CENPP: variants seen among roughly 807,000 people sequenced by gnomAD.
CENPP encodes centromere protein P.
In CENPP, 24 loss-of-function variants were observed where a neutral mutation model predicts 35.6. The ratio of observed to expected loss-of-function variants is 0.67; its 90% CI spans 0.49 to 0.95. The LOEUF is 0.95. Among genes scored for constraint, CENPP ranks in the 40% least tolerant of loss-of-function variants. CENPP has a pLI of 0.00. For synonymous variants in CENPP, 120 were observed against 125.5 expected (o/e 0.96, Z 0.29); for missense variants, 332 against 345.3 (o/e 0.96, Z 0.31).
chr9:92,326,317 C>T (rs1177785800), intron 1 of CENPP, among the ~76,000 whole-genome samples: 2 of 152,218 alleles, frequency 1.3e-5, no homozygotes, highest in Admixed American at 6.5e-5. Flanking sequence ...CTCGTTTAAT[C>T]GCAGTCGTCT....
Position 92,613,260 on chromosome 9 carries a change from C to T in CENPP, c.*111C>T. On this transcript the variant is annotated 3_prime_UTR_variant, in exon 8 of 8. Transcript: ENST00000375587. ...TTAGAAACCACACCCTGAAGACGTG[C>T]TGTCTATGCAGTTATGGCACATTAT... The T allele has an allele frequency of 7.8e-7, 1 of 1,278,278 alleles. No homozygotes were observed. The highest frequency in any genetic ancestry group is 1.1e-6 in the Non-Finnish European group (1 of 893,254). The allele number at this position is 1,278,278 out of a possible 1,614,324, so 79.2% of individuals were successfully genotyped here. A position where few individuals can be genotyped will look rare whatever the true frequency, so the allele number is the denominator to read the frequency against.
rs1840494554 is a variant in CENPP at position 92,326,232 on chromosome 9, TC to T, written c.107+129del. 4.6e-6 allele frequency: 3 copies of T among 657,508 alleles called. No individual in the cohort carries two copies. In the Admixed American group the frequency reaches 9.0e-5, roughly 20 times the overall value. The allele number at this position is 657,508 out of a possible 1,614,324, so 40.7% of individuals were successfully genotyped here. A position where few individuals can be genotyped will look rare whatever the true frequency, so the allele number is the denominator to read the frequency against. On this transcript the variant is annotated intron_variant, in intron 1 of 7. Coordinates refer to ENST00000375587, the MANE Select transcript of CENPP (RefSeq NM_001012267.3). ...GAAAGTGGGCATGAACTGGCATTGA[TC>T]CTGTCATGACGATGGCCTAGAGTTG...
At chr9:92,391,322 G>T (rs1024303150) in intron 5 of CENPP, among the ~76,000 whole-genome samples, 9 of 152,142 alleles carry the variant, frequency 5.9e-5, no homozygotes, top group South Asian at 4.2e-4. Context: ...CAGGAGAATG[G>T]CATGAACCTG....
At chr9:92,496,499 C>T in intron 5 of CENPP, 1 of 1,604,336 alleles carries the variant, frequency 6.2e-7, no homozygotes, top group South Asian at 1.1e-5. Flanking sequence ...GAAAAATAGA[C>T]ATGCAAGTCA....
chr9:92,480,714 C>T (rs1231294845), intron 5 of CENPP, among the ~76,000 whole-genome samples: 1 of 152,094 alleles, frequency 6.6e-6, no homozygotes, highest in Non-Finnish European at 1.5e-5. Flanking sequence ...TTTAAAGGCC[C>T]GCTTGGCAAC....
At chr9:92,457,301 T>G (rs771223864) in intron 5 of CENPP, 1 of 1,613,852 alleles carries the variant, frequency 6.2e-7, no homozygotes. Context: ...CATTCCAAAG[T>G]TCCCAAGCTG....
At chr9:92,329,709 A>G (rs1412400506) in intron 1 of CENPP, among the ~76,000 whole-genome samples, 2 of 151,896 alleles carry the variant, frequency 1.3e-5, no homozygotes, top group East Asian at 1.9e-4. Flanking sequence ...ACCTGCCACT[A>G]TGCCCAGATA....
intron 5 of CENPP, chr9:92,496,575 C>A (rs1288124252): frequency 1.3e-6 from 2 of 1,505,480 alleles, no homozygotes; most frequent in South Asian, 1.3e-5. Flanking sequence ...AAATTTTGTT[C>A]TTAAAATAAA....
chr9:92,448,877 A>G (rs1472317809), intron 5 of CENPP, among the ~76,000 whole-genome samples: 2 of 152,198 alleles, frequency 1.3e-5, no homozygotes, highest in African/African-American at 4.8e-5. Context: ...GGTCTATTAC[A>G]TTTAAACTAT....
intron 5 of CENPP, among the ~76,000 whole-genome samples, chr9:92,608,616 A>G (rs908495125): frequency 6.6e-5 from 10 of 152,168 alleles, no homozygotes; most frequent in African/African-American, 9.7e-5. Context: ...ATGTGTGCCA[A>G]TGAGACCCAT....
At chr9:92,584,586 C>G (rs1313032073) in intron 5 of CENPP, among the ~76,000 whole-genome samples, 1 of 152,108 alleles carries the variant, frequency 6.6e-6, no homozygotes, top group African/African-American at 2.4e-5. Context: ...AGCCACCCTC[C>G]CACCTCAGCC....
At chr9:92,457,472 T>A (rs765013550) in intron 5 of CENPP, 2 of 1,607,408 alleles carry the variant, frequency 1.2e-6, no homozygotes, top group African/African-American at 2.7e-5. Context: ...TGAATTAGAA[T>A]GAAGGAAGAT....
At chr9:92,373,758 G>A (rs754525563) in intron 4 of CENPP, among the ~76,000 whole-genome samples, 42 of 152,176 alleles carry the variant, frequency 2.8e-4, no homozygotes, top group Non-Finnish European at 4.1e-4. Context: ...CCCAGGAGGC[G>A]GAGGTTGCAG....
At chr9:92,540,810 G>A (rs898788885) in intron 5 of CENPP, among the ~76,000 whole-genome samples, 1 of 151,720 alleles carries the variant, frequency 6.6e-6, no homozygotes, top group Non-Finnish European at 1.5e-5. Context: ...AATATAATAA[G>A]GAATCACTGG....
intron 5 of CENPP, among the ~76,000 whole-genome samples, chr9:92,408,165 A>G (rs1239856275): frequency 1.3e-5 from 2 of 152,132 alleles, no homozygotes; most frequent in African/African-American, 4.8e-5. Flanking sequence ...TTAGGAGTCA[A>G]AACACCTGAG....
Position 92,481,560 on chromosome 9 carries a change from A to T in CENPP, c.564+101701A>T, listed in dbSNP as rs947609096. On this transcript the variant is annotated intron_variant, in intron 5 of 7. Coordinates refer to ENST00000375587, the MANE Select transcript of CENPP (RefSeq NM_001012267.3). ...GAGTAGAATATTGAATACATTGCTTAAATTTTTTAATCTAAAATTTAATCA... is the reference window on the plus strand; with the variant it reads ...GAGTAGAATATTGAATACATTGCTTTAATTTTTTAATCTAAAATTTAATCA... Among the ~76,000 whole-genome samples, 14 of 152,192 alleles carry T rather than the reference A, an allele frequency of 9.2e-5. 1 individual carries two copies. The highest frequency in any genetic ancestry group is 3.4e-4 in the African/African-American group (14 of 41,442).
In CENPP at chr9:92,506,325, T is replaced by C. The variant is rs77757663; in HGVS notation, c.565-104989T>C. Among the ~76,000 whole-genome samples, 309 of 152,318 alleles carry C rather than the reference T, an allele frequency of 2.0e-3. 2 individuals are homozygous for C. Among genetic ancestry groups the C allele is most frequent in the African/African-American group, 7.0e-3 (292 of 41,582 alleles). On this transcript the variant is annotated intron_variant, in intron 5 of 7. Transcript: ENST00000375587. ...CCAAATGGAAGCTTTGAAAGAATGA[T>C]GATCAAAAATTCTCCATGCATTCAG...
intron 4 of CENPP, among the ~76,000 whole-genome samples, chr9:92,363,234 TACACAC>T (rs34936128): frequency 0.018 from 2,726 of 150,958 alleles, 90 homozygotes; most frequent in African/African-American, 0.062. Context: ...TATACATATA[TACACAC>T]ACACACACAC....
intron 5 of CENPP, among the ~76,000 whole-genome samples, chr9:92,588,960 C>A (rs1200275387): frequency 6.6e-6 from 1 of 152,118 alleles, no homozygotes; most frequent in Non-Finnish European, 1.5e-5. Flanking sequence ...TGCATTACTA[C>A]GAAATTTAAG....
Sources: allele counts gnomAD v4.1 joint callset (sites outside exome capture counted in the v4.1 genomes callset), GRCh38; gene constraint gnomAD v4.1.1; transcripts MANE v1.5; gene names NCBI Gene and HGNC (gene_info 2026-07-23, HGNC 2026-07-21).